The following TLE4 variants were observed in gnomAD, a reference collection of about 807,000 sequenced individuals.
TLE4 encodes transducin-like enhancer protein 4.
Under a neutral mutation model 92.8 loss-of-function variants are expected in TLE4, and 8 were observed. The ratio of observed to expected loss-of-function variants is 0.09; its 90% CI spans 0.05 to 0.16. The LOEUF (loss-of-function observed/expected upper bound fraction) is 0.16, where lower values mean the gene tolerates loss of function less well. Ranked by LOEUF, TLE4 falls within the 10% of genes least tolerant of loss-of-function variation. The pLI is 1.00. For missense variants in TLE4, 675 were observed against 997.6 expected (o/e 0.68, Z 4.36); for synonymous variants, 371 against 374.1 (o/e 0.99, Z 0.10).
At chr9:79,706,603 T>TTC (rs2135933146) in intron 10 of TLE4, 144 bp from the exon 11 acceptor site, 1 of 1,045,586 alleles carries the variant, frequency 9.6e-7, no homozygotes, top group South Asian at 1.9e-5. Flanking sequence ...CGTTAGTAGT[T>TTC]TCAGTGAGTA....
intron 8 of TLE4, among the ~76,000 whole-genome samples, chr9:79,694,763 G>A (rs2067856801): frequency 1.3e-5 from 2 of 148,422 alleles, no homozygotes; most frequent in African/African-American, 5.1e-5. Context: ...TGTGTGTGGT[G>A]ACTTACTAAC....
chr9:79,673,528 A>G (rs963314347), intron 8 of TLE4, among the ~76,000 whole-genome samples: 2 of 152,162 alleles, frequency 1.3e-5, no homozygotes, highest in Non-Finnish European at 2.9e-5. Flanking sequence ...TATGATTTTA[A>G]AAGTGTAGTT....
intron 5 of TLE4, among the ~76,000 whole-genome samples, chr9:79,615,009 G>C (rs2049191604): frequency 6.6e-6 from 1 of 152,070 alleles, no homozygotes; most frequent in Admixed American, 6.6e-5. Flanking sequence ...TCTTTTTCTA[G>C]TTTCCTAAGG....
At chr9:79,619,275 CT>C (rs1013229932) in intron 5 of TLE4, among the ~76,000 whole-genome samples, 1 of 152,240 alleles carries the variant, frequency 6.6e-6, no homozygotes, top group Non-Finnish European at 1.5e-5. Context: ...AAACAAACCC[CT>C]TCTACTACAT....
chr9:79,573,345 C>T (rs2036483281), intron 1 of TLE4: 1 of 1,100,682 alleles, frequency 9.1e-7, no homozygotes, highest in Non-Finnish European at 1.1e-6. Context: ...GCGCGGGTCC[C>T]CCCGACGGGC....
intron 6 of TLE4, among the ~76,000 whole-genome samples, chr9:79,644,711 C>A (rs2057805667): frequency 6.6e-6 from 1 of 152,236 alleles, no homozygotes; most frequent in Non-Finnish European, 1.5e-5. Flanking sequence ...CCAGCCCAGT[C>A]CTGGGCCCTT....
chr9:79,646,883 A>G (rs1417417338), intron 6 of TLE4, among the ~76,000 whole-genome samples: 1 of 152,138 alleles, frequency 6.6e-6, no homozygotes, highest in East Asian at 1.9e-4. Context: ...GATATTTTGT[A>G]TATGTATAAA....
intron 4 of TLE4, among the ~76,000 whole-genome samples, chr9:79,582,906 T>C (rs1587685401): frequency 6.6e-6 from 1 of 152,290 alleles, no homozygotes; most frequent in East Asian, 1.9e-4. Flanking sequence ...CATTTACGCA[T>C]GGGCAATGGA....
At chr9:79,632,419 T>G (rs2054537186) in intron 6 of TLE4, among the ~76,000 whole-genome samples, 1 of 152,202 alleles carries the variant, frequency 6.6e-6, no homozygotes, top group Non-Finnish European at 1.5e-5. Context: ...CCCGTACTCC[T>G]GTTCTGTGAT....
At chr9:79,609,320 A>G (rs914302563) in intron 4 of TLE4, among the ~76,000 whole-genome samples, 1 of 152,104 alleles carries the variant, frequency 6.6e-6, no homozygotes, top group African/African-American at 2.4e-5. Context: ...TGCGTAGCCA[A>G]GGGATTTTCG....
intron 8 of TLE4, among the ~76,000 whole-genome samples, chr9:79,685,320 A>G (rs1276504106): frequency 6.6e-6 from 1 of 152,146 alleles, no homozygotes; most frequent in Non-Finnish European, 1.5e-5. Context: ...CTAGATTAGA[A>G]CAGATTTTTT....
intron 2 of TLE4, among the ~76,000 whole-genome samples, chr9:79,574,595 G>A (rs2037115346): frequency 6.6e-6 from 1 of 151,926 alleles, no homozygotes; most frequent in Admixed American, 6.6e-5. Context: ...CAATTCTGGA[G>A]GAAGTTCCTG....
At chr9:79,671,342 G>C (rs1189006293) in intron 8 of TLE4, 1 of 448,276 alleles carries the variant, frequency 2.2e-6, no homozygotes, top group Non-Finnish European at 4.5e-6. Flanking sequence ...TCTACTGGTA[G>C]GAAAAGCTAA....
chr9:79,592,607 C>T (rs542229224), intron 4 of TLE4, among the ~76,000 whole-genome samples: 2 of 151,956 alleles, frequency 1.3e-5, no homozygotes, highest in African/African-American at 2.4e-5. Flanking sequence ...TCATTTTGCT[C>T]GGTTACTGCC....
chr9:79,599,176 T>C (rs1021951182), intron 4 of TLE4, among the ~76,000 whole-genome samples: 2 of 152,228 alleles, frequency 1.3e-5, no homozygotes, highest in South Asian at 2.1e-4. Context: ...GGAATTGACC[T>C]TGATGGGCCC....
At chr9:79,704,653 A>C in intron 8 of TLE4, 130 bp from the exon 9 acceptor site, 9 of 1,237,530 alleles carry the variant, frequency 7.3e-6, no homozygotes, top group Non-Finnish European at 9.9e-6. Context: ...GCTTTCTCCT[A>C]TCTCCTCTTA....
intron 1 of TLE4, 89 bp downstream of exon 1, chr9:79,572,924 G>C: frequency 1.4e-6 from 2 of 1,383,344 alleles, no homozygotes; most frequent in East Asian, 2.9e-5. Flanking sequence ...CTTTTGGCCG[G>C]AGGGGCGTGG....
At chr9:79,625,564 C>CT (rs956686718) in intron 5 of TLE4, among the ~76,000 whole-genome samples, 180 of 148,622 alleles carry the variant, frequency 1.2e-3, no homozygotes, top group Non-Finnish European at 6.4e-4. Context: ...TTCTATCCTA[C>CT]TTTTTTTTTT....
intron 4 of TLE4, among the ~76,000 whole-genome samples, chr9:79,578,773 A>G (rs2038743876): frequency 4.6e-5 from 7 of 152,120 alleles, no homozygotes; most frequent in Admixed American, 4.6e-4. Context: ...GTTTGAGAAC[A>G]TAATTAATTT....
Sources: gnomAD v4.1 joint callset for allele counts (sites outside exome capture counted in the v4.1 genomes callset) on GRCh38, gnomAD v4.1.1 for gene constraint, MANE v1.5 for transcripts, NCBI Gene and HGNC (gene_info 2026-07-23, HGNC 2026-07-21) for gene names.